The following CLNK variants were observed in gnomAD, a reference collection of about 807,000 sequenced individuals.
CLNK encodes cytokine-dependent hematopoietic cell linker.
CLNK carries 74 observed loss-of-function variants against 68.6 expected under a neutral mutation model. That is an observed-to-expected ratio of 1.08 (90% confidence interval 0.89 to 1.31). CLNK has a LOEUF of 1.31. Among genes scored for constraint, CLNK ranks in the 50% most tolerant of loss-of-function variants. The pLI is 0.00. For missense variants in CLNK, 553 were observed against 515.3 expected (o/e 1.07, Z -0.71); for synonymous variants, 198 against 172.2 (o/e 1.15, Z -1.17).
intron 2 of CLNK, among the ~76,000 whole-genome samples, chr4:10,629,821 A>G (rs1722815563): frequency 6.6e-6 from 1 of 152,190 alleles, no homozygotes; most frequent in South Asian, 2.1e-4. Flanking sequence ...TCACTGGGAA[A>G]TTCTTTTATA....
At chr4:10,494,092 A>G (rs562214026) in intron 18 of CLNK, among the ~76,000 whole-genome samples, 6 of 152,344 alleles carry the variant, frequency 3.9e-5, no homozygotes, top group African/African-American at 1.4e-4. Context: ...GCCTTTAGGA[A>G]GAGAAGAATT....
At chr4:10,688,688 T>G (rs1725355034), upstream of CLNK, among the ~76,000 whole-genome samples, 1 of 152,106 alleles carries the variant, frequency 6.6e-6, no homozygotes, top group African/African-American at 2.4e-5. Flanking sequence ...ATGATAAAAT[T>G]CTCTTGCAAA....
chr4:10,620,494 C>G (rs1722394749), intron 2 of CLNK, among the ~76,000 whole-genome samples: 1 of 152,196 alleles, frequency 6.6e-6, no homozygotes, highest in Non-Finnish European at 1.5e-5. Context: ...GTCCCATCCC[C>G]TTGCATTTTT....
At chr4:10,709,526 T>A in the CLNK span, among the ~76,000 whole-genome samples, 2 of 152,204 alleles carry the variant, frequency 1.3e-5, no homozygotes, top group Non-Finnish European at 2.9e-5. Context: ...GGAGAATTGA[T>A]AAATTAATGG....
At chr4:10,507,852 G>A in intron 17 of CLNK, 107 bp downstream of exon 17, 1 of 794,022 alleles carries the variant, frequency 1.3e-6, no homozygotes, top group South Asian at 1.8e-5. Context: ...GGTGATGCAG[G>A]AAATAATACA....
the CLNK span, among the ~76,000 whole-genome samples, chr4:10,710,625 G>A: frequency 5.9e-5 from 9 of 152,302 alleles, no homozygotes; most frequent in Admixed American, 5.9e-4. Flanking sequence ...CTGTTGCTTT[G>A]AGAGCAAAGG....
At chr4:10,525,632 C>T (rs767834951) in intron 14 of CLNK, among the ~76,000 whole-genome samples, 41 of 152,212 alleles carry the variant, frequency 2.7e-4, no homozygotes, top group Non-Finnish European at 4.6e-4. Flanking sequence ...ACTTCTTTAA[C>T]ACTCAATCAA....
intron 6 of CLNK, among the ~76,000 whole-genome samples, chr4:10,565,152 G>A (rs1308541694): frequency 6.6e-6 from 1 of 151,776 alleles, no homozygotes; most frequent in Non-Finnish European, 1.5e-5. Context: ...CACATTCATC[G>A]GTTGAGCTGC....
chr4:10,516,645 T>A (rs1258301114), intron 15 of CLNK, among the ~76,000 whole-genome samples: 1 of 151,704 alleles, frequency 6.6e-6, no homozygotes, highest in African/African-American at 2.4e-5. Flanking sequence ...GTCTGCCTCC[T>A]GGGTTCAAGC....
intron 3 of CLNK, among the ~76,000 whole-genome samples, chr4:10,587,969 A>G (rs1283681771): frequency 6.6e-6 from 1 of 152,154 alleles, no homozygotes; most frequent in Admixed American, 6.5e-5. Flanking sequence ...GCTGGTGAGG[A>G]GCAAATCATT....
chr4:10,728,520 C>G, the CLNK span, among the ~76,000 whole-genome samples: 1 of 151,442 alleles, frequency 6.6e-6, no homozygotes, highest in African/African-American at 2.4e-5. Context: ...GTACCTTTAC[C>G]AAAGAACTGC....
In CLNK at chr4:10,556,341, T is replaced by C. The variant is rs930903895; in HGVS notation, c.445+2066A>G. Reference sequence around the variant, plus strand: ...GAATTTAGTGATGTGTGCCTAAGGATCTTACATTTTATCTTTATTTTAATT... The same window carrying C: ...GAATTTAGTGATGTGTGCCTAAGGACCTTACATTTTATCTTTATTTTAATT... On this transcript the variant is annotated intron_variant, in intron 8 of 18. Coordinates refer to ENST00000226951, the MANE Select transcript of CLNK (RefSeq NM_052964.4). Among the ~76,000 whole-genome samples, 5 of 152,200 alleles carry C rather than the reference T, an allele frequency of 3.3e-5. 1 individual carries two copies. The highest frequency in any genetic ancestry group is 1.2e-4 in the African/African-American group (5 of 41,458).
chr4:10,585,742 A>G (rs1295122171), intron 3 of CLNK, among the ~76,000 whole-genome samples: 1 of 152,250 alleles, frequency 6.6e-6, no homozygotes, highest in Non-Finnish European at 1.5e-5. Flanking sequence ...ACTTGAGCCC[A>G]GGAGTTCACG....
intron 2 of CLNK, among the ~76,000 whole-genome samples, chr4:10,629,254 T>A (rs1722795193): frequency 6.6e-6 from 1 of 152,208 alleles, no homozygotes; most frequent in South Asian, 2.1e-4. Context: ...GTGAGTTGAT[T>A]TATCGTGAAA....
chr4:10,557,250 A>G (rs2108817789), intron 8 of CLNK, among the ~76,000 whole-genome samples: 1 of 152,130 alleles, frequency 6.6e-6, no homozygotes, highest in Middle Eastern at 3.4e-3. Context: ...TTTGCCCTCC[A>G]GAACCTCCCT....
chr4:10,681,492 A>T (rs1306443974), intron 1 of CLNK, among the ~76,000 whole-genome samples: 2 of 152,218 alleles, frequency 1.3e-5, no homozygotes, highest in African/African-American at 2.4e-5. Flanking sequence ...TTAAATTTTC[A>T]TGTTGTATCT....
Position 10,490,444 on chromosome 4 carries a change from C to G in CLNK, c.*23G>C. The G allele has an allele frequency of 6.2e-7, 1 of 1,608,498 alleles. No individual in the cohort carries two copies. The highest frequency in any genetic ancestry group is 1.1e-5 in the South Asian group (1 of 89,416). On this transcript the variant is annotated 3_prime_UTR_variant, in exon 19 of 19. Transcript: ENST00000226951. ...CAATGGAAGCGCTGAATCCAGTAAA[C>G]CAAAGATAACACAAAGACCAGGCTA...
At chr4:10,700,728 C>A in the CLNK span, among the ~76,000 whole-genome samples, 1 of 152,078 alleles carries the variant, frequency 6.6e-6, no homozygotes, top group South Asian at 2.1e-4. Flanking sequence ...AAGCTGCTAA[C>A]AAGCATGGGT....
rs1001997300 is a variant in CLNK at position 10,605,138 on chromosome 4, C to T, written c.12-7089G>A. On this transcript the variant is annotated intron_variant, in intron 2 of 18. Coordinates refer to ENST00000226951, the MANE Select transcript of CLNK (RefSeq NM_052964.4). Reference sequence around the variant, plus strand: ...TAAGACTACAACATCAACTCTTACCCGGATCTCTCGCCTGCCAGCCTGCCC... The same window carrying T: ...TAAGACTACAACATCAACTCTTACCTGGATCTCTCGCCTGCCAGCCTGCCC... Among the ~76,000 whole-genome samples, 7 of 152,214 alleles carry T rather than the reference C, an allele frequency of 4.6e-5. No homozygotes were observed. The South Asian group carries it at 6.2e-4, about 14-fold the overall frequency.
Sources: allele counts gnomAD v4.1 joint callset (sites outside exome capture counted in the v4.1 genomes callset), GRCh38; gene constraint gnomAD v4.1.1; transcripts MANE v1.5; gene names NCBI Gene and HGNC (gene_info 2026-07-23, HGNC 2026-07-21).